Variants in LRP6 observed in about 807,000 individuals in gnomAD.
LRP6 encodes the protein low-density lipoprotein receptor-related protein 6.
A neutral mutation model predicts 184.1 loss-of-function variants in LRP6; 43 were observed. The ratio of observed to expected loss-of-function variants is 0.23; its 90% CI spans 0.18 to 0.30. The LOEUF (loss-of-function observed/expected upper bound fraction) is 0.30, where lower values mean the gene tolerates loss of function less well. LRP6 is among the 10% of genes least tolerant of loss of function. LRP6 has a pLI of 1.00. For synonymous variants in LRP6, 719 were observed against 684.9 expected, an observed-to-expected ratio of 1.05 and a Z score of -0.78; for missense variants, 1,571 against 2,005.3, an observed-to-expected ratio of 0.78 and a Z score of 4.14.
Position 12,156,574 on chromosome 12 carries a change from G to A in LRP6, c.2791+2255C>T, listed in dbSNP as rs369962131. Among the ~76,000 whole-genome samples the A allele has an allele frequency of 2.0e-5, 3 of 152,168 alleles. No homozygotes were observed. The East Asian group carries it at 5.8e-4, about 29-fold the overall frequency. The stretch of plus-strand genomic sequence containing the variant: ...AGAGATGTCTATATATGTCACTATC[G>A]TTTCCTTTTTTCCATTCACGTTTTA... On this transcript the variant is annotated intron_variant, in intron 12 of 22. Transcript: ENST00000261349.
chr12:12,230,595 TAA>T (rs1365363485), intron 2 of LRP6, among the ~76,000 whole-genome samples: 1 of 152,086 alleles, frequency 6.6e-6, no homozygotes, highest in East Asian at 1.9e-4. Flanking sequence ...ATAATTAAAA[TAA>T]GTCATTAATA....
At chr12:12,180,102 G>GAAA (rs377273579) in intron 6 of LRP6, 121 bp from the exon 7 acceptor site, 9 of 557,656 alleles carry the variant, frequency 1.6e-5, no homozygotes, top group South Asian at 2.2e-5. Context: ...CAAGGAAGGG[G>GAAA]AAAAAAAAAA....
chr12:12,171,552 TAAATAA>T (rs1863046479), intron 7 of LRP6, among the ~76,000 whole-genome samples: 1 of 145,990 alleles, frequency 6.8e-6, no homozygotes, highest in South Asian at 2.1e-4. Context: ...AATAAATAAA[TAAATAA>T]ATAAATAAAT....
intron 2 of LRP6, among the ~76,000 whole-genome samples, chr12:12,204,227 C>T (rs1356233713): frequency 1.4e-5 from 2 of 138,904 alleles, no homozygotes; most frequent in African/African-American, 2.7e-5. Context: ...TGATTCAAGT[C>T]GAGAGACACT....
rs61920853 is a variant in LRP6, at chr12:12,207,244, C to T, written c.450-3844G>A. Among the ~76,000 whole-genome samples, 206 of 152,222 alleles carry T rather than the reference C, an allele frequency of 1.4e-3. 2 individuals are homozygous for T. The highest frequency in any genetic ancestry group is 6.8e-3 in the Middle Eastern group (2 of 292). On this transcript the variant is annotated intron_variant, in intron 2 of 22. Coordinates refer to ENST00000261349, the MANE Select transcript of LRP6 (RefSeq NM_002336.3). The stretch of plus-strand genomic sequence containing the variant: ...TTGTTAAAAACAAGAGTGGACTGGG[C>T]GCAGTGGCTCATGCCTGTAATCCCG...
At chr12:12,214,112 T>G (rs1042959871) in intron 2 of LRP6, among the ~76,000 whole-genome samples, 2 of 152,142 alleles carry the variant, frequency 1.3e-5, no homozygotes, top group Non-Finnish European at 2.9e-5. Context: ...TAATACCTAT[T>G]TTATAACAGT....
chr12:12,230,406 G>A (rs565191391), intron 2 of LRP6, among the ~76,000 whole-genome samples: 2 of 152,002 alleles, frequency 1.3e-5, no homozygotes, highest in Non-Finnish European at 2.9e-5. Flanking sequence ...TAATGAAAAT[G>A]TTCAGTTTCA....
At position 12,181,329 on chromosome 12, in the gene LRP6, T is replaced by C. The variant is rs781126593; in HGVS notation, c.1087A>G (p.Ile363Val). 7.4e-6 allele frequency: 12 copies of C among 1,613,992 alleles called. No homozygotes were observed. ...VLQLEDIRHAIAIDYDPVEGY... is the reference protein window; with the variant it reads ...VLQLEDIRHAVAIDYDPVEGY... ...TCCACAGGATCGTAATCTATGGCAA[T>C]GGCATGACGGATGTCTTCTAACTGC... is the stretch of plus-strand genomic sequence containing the variant. Residue 363 changes from isoleucine (I) to valine (V), a missense_variant, in exon 6 of 23, where the codon ATT becomes GTT. By Grantham distance (29) the Ile-to-Val change is conservative. This residue lies in a region of LRP6 where 640 missense variants were observed against 851.9 expected (regional missense o/e 0.75). Transcript: ENST00000261349.
intron 1 of LRP6, among the ~76,000 whole-genome samples, chr12:12,252,547 T>A (rs1427508339): frequency 6.6e-6 from 1 of 152,212 alleles, no homozygotes; most frequent in Non-Finnish European, 1.5e-5. Context: ...TAGAAATTCA[T>A]CAATGCCCTC....
chr12:12,221,337 A>G (rs1740451772), intron 2 of LRP6, among the ~76,000 whole-genome samples: 1 of 152,250 alleles, frequency 6.6e-6, no homozygotes, highest in South Asian at 2.1e-4. Context: ...AATAATCATC[A>G]ATACATAATG....
intron 3 of LRP6, among the ~76,000 whole-genome samples, chr12:12,202,247 C>A (rs916117997): frequency 6.6e-6 from 1 of 152,204 alleles, no homozygotes; most frequent in South Asian, 2.1e-4. Context: ...TTCTGCTTTA[C>A]AAATAAAGTT....
chr12:12,179,367 TAG>T (rs56097732), intron 7 of LRP6, among the ~76,000 whole-genome samples: 66,443 of 109,054 alleles, frequency 0.61, 16,395 homozygotes, highest in East Asian at 0.8. Context: ...ATAAAAGATA[TAG>T]ATATAGATAT....
intron 1 of LRP6, among the ~76,000 whole-genome samples, chr12:12,258,200 T>A (rs1865519413): frequency 6.6e-6 from 1 of 152,186 alleles, no homozygotes; most frequent in African/African-American, 2.4e-5. Context: ...CACTGTAGCC[T>A]TGAGTTCCTG....
rs1949578099 is a variant in LRP6, at chr12:12,119,997, AT to A, written c.*1128del. On this transcript the variant is annotated 3_prime_UTR_variant, in exon 23 of 23. Transcript: ENST00000261349. Reference sequence around the variant, plus strand: ...AAACAAACAAACAAACAAAATATATATATATATATATATATATATATATATA... The same window carrying A: ...AAACAAACAAACAAACAAAATATATAATATATATATATATATATATATATA... The A allele has an allele frequency of 1.8e-3, 62 of 35,378 alleles. 2 individuals are homozygous for A. Among genetic ancestry groups the A allele is most frequent in the Middle Eastern group, 0.018 (2 of 110 alleles). 2.2% of individuals were successfully genotyped at this position (35,378 alleles called of 1,614,324 possible).
At chr12:12,243,060 GGTTA>G (rs1865104436) in intron 2 of LRP6, among the ~76,000 whole-genome samples, 1 of 152,150 alleles carries the variant, frequency 6.6e-6, no homozygotes, top group Admixed American at 6.5e-5. Flanking sequence ...AAATAGTACA[GGTTA>G]TTTATCTTTG....
intron 12 of LRP6, among the ~76,000 whole-genome samples, chr12:12,156,429 T>C (rs565450606): frequency 9.2e-5 from 14 of 152,106 alleles, no homozygotes; most frequent in African/African-American, 3.4e-4. Flanking sequence ...AACTGAGTGG[T>C]GGGGAGTGAG....
At chr12:12,196,919 CAA>C (rs1863777727) in intron 3 of LRP6, among the ~76,000 whole-genome samples, 4 of 152,062 alleles carry the variant, frequency 2.6e-5, no homozygotes, top group Non-Finnish European at 5.9e-5. Context: ...ATTCGTTCAC[CAA>C]AGTTATAAAA....
At chr12:12,198,120 T>G (rs906307179) in intron 3 of LRP6, among the ~76,000 whole-genome samples, 6 of 152,248 alleles carry the variant, frequency 3.9e-5, no homozygotes, top group Non-Finnish European at 8.8e-5. Flanking sequence ...GGTTTCACCA[T>G]GTTGGCCAGG....
chr12:12,199,708 G>A (rs536551539), intron 3 of LRP6, among the ~76,000 whole-genome samples: 58 of 152,110 alleles, frequency 3.8e-4, no homozygotes, highest in African/African-American at 1.3e-3. Flanking sequence ...GCTCATGCCT[G>A]TAATTCCAGC....
Sources: gnomAD v4.1 joint callset for allele counts (sites outside exome capture counted in the v4.1 genomes callset) on GRCh38, gnomAD v4.1.1 for gene constraint, gnomAD v4.1.1 regional missense constraint, MANE v1.5 for transcripts, NCBI Gene and HGNC (gene_info 2026-07-23, HGNC 2026-07-21) for gene names.